The following HSPA13 variants were observed in gnomAD, a reference collection of about 807,000 sequenced individuals.
HSPA13 encodes heat shock protein family A (Hsp70) member 13.
A neutral mutation model predicts 38.8 loss-of-function variants in HSPA13; 29 were observed. The observed-to-expected ratio is 0.75, with a 90% CI of 0.56 to 1.02. The LOEUF (loss-of-function observed/expected upper bound fraction) is 1.02, where lower values mean the gene tolerates loss of function less well. HSPA13 is among the 50% of genes least tolerant of loss of function. HSPA13 has a pLI of 0.00. For synonymous variants in HSPA13, 192 were observed against 205.3 expected (o/e 0.94, Z 0.56); for missense variants, 451 against 560.9 (o/e 0.80, Z 1.98).
chr21:14,375,102 T>C (rs1009167919), intron 4 of HSPA13, among the ~76,000 whole-genome samples: 4 of 152,178 alleles, frequency 2.6e-5, no homozygotes, highest in Admixed American at 6.5e-5. Context: ...CATAATCCTA[T>C]CATTTCCTAG....
intron 2 of HSPA13, among the ~76,000 whole-genome samples, chr21:14,378,994 T>G (rs1308904590): frequency 1.3e-5 from 2 of 152,058 alleles, no homozygotes; most frequent in Non-Finnish European, 2.9e-5. Flanking sequence ...TCTCAATATA[T>G]TTTTGCTGAA....
chr21:14,375,703 C>T lies in HSPA13; in HGVS notation c.697G>A (p.Val233Met). The T allele has an allele frequency of 6.2e-7, 1 of 1,614,038 alleles. No homozygotes were observed. The highest frequency in any genetic ancestry group is 8.5e-7 in the Non-Finnish European group (1 of 1,179,946). Residue 233 changes from valine (V) to methionine (M), a missense_variant, in exon 4 of 5, where the codon GTG becomes ATG. Physicochemically the swap from Val to Met is conservative, Grantham distance 21. Coordinates refer to ENST00000285667, the MANE Select transcript of HSPA13 (RefSeq NM_006948.5). ...CCTCCTTGTTTATTCAGTAAAGACA[C>T]ATCTAGAGTTCCTCCGCCCAAGTCT... ...VIDLGGGTLD[V>M]SLLNKQGGMF...
intron 3 of HSPA13, among the ~76,000 whole-genome samples, chr21:14,377,801 GGACTCTAAGTTCT>G (rs1438217200): frequency 6.6e-6 from 1 of 152,186 alleles, no homozygotes; most frequent in African/African-American, 2.4e-5. Context: ...CTTGAACATC[GGACTCTAAGTTCT>G]TTAGCTTTTG....
rs753111246 is a variant in HSPA13, at chr21:14,373,944, T to A, written c.1089A>T (p.Thr363=). ...TATCAAAGAGTTTCCGTGATATTTC[T>A]GTTTCAAATAAAACCTGACTTTCTC... The part of the protein sequence containing the change: ...KSGESQVLFE[T]EISRKLFDTL... The change falls in exon 5 of 5, where the codon ACA becomes ACT. Residue 363 remains threonine, a synonymous_variant. Coordinates refer to ENST00000285667, the MANE Select transcript of HSPA13 (RefSeq NM_006948.5). The A allele has an allele frequency of 1.2e-6, 2 of 1,614,110 alleles. No individual in the cohort carries two copies. The highest frequency in any genetic ancestry group is 2.7e-5 in the African/African-American group (2 of 74,940).
intron 1 of HSPA13, among the ~76,000 whole-genome samples, 155 bp downstream of exon 1, chr21:14,382,940 T>C (rs1984209715): frequency 6.6e-6 from 1 of 151,482 alleles, no homozygotes; most frequent in Admixed American, 6.6e-5. Flanking sequence ...CCCCATCCAC[T>C]CCGAACAGCC....
In HSPA13 at chr21:14,381,406, C is replaced by T; in HGVS notation, c.163G>A (p.Val55Ile). The stretch of plus-strand genomic sequence containing the variant: ...CCATTTTCATCTGGAATCACCTTTA[C>T]TTTTCCTGTGCCAGGAAAAAACACC... Reference protein sequence around the residue: ...VGVFFPGTGKVKVIPDENGHI... With the variant: ...VGVFFPGTGKIKVIPDENGHI... The change falls in exon 2 of 5, where the codon GTA becomes ATA. Residue 55 changes from valine (V) to isoleucine (I), a missense_variant. Coordinates refer to ENST00000285667, the MANE Select transcript of HSPA13 (RefSeq NM_006948.5). 6.2e-7 allele frequency: 1 copy of T among 1,614,158 alleles called. No homozygotes were observed. Among genetic ancestry groups the T allele is most frequent in the Non-Finnish European group, 8.5e-7 (1 of 1,180,012 alleles).
rs1179756694 is a variant in HSPA13, at chr21:14,374,112, C to T, written c.921G>A (p.Leu307=). 6.2e-7 allele frequency: 1 copy of T among 1,614,116 alleles called. No individual in the cohort carries two copies. Among genetic ancestry groups the T allele is most frequent in the Non-Finnish European group, 8.5e-7 (1 of 1,180,014 alleles). Residue 307 remains leucine, a synonymous_variant, in exon 5 of 5, where the codon TTG becomes TTA. Transcript: ENST00000285667. Reference sequence around the variant, plus strand: ...GCTCCTCCACCGTTAGTAATACTGACAACTGAGCAGATTGATGAAGAGTCA... The same window carrying T: ...GCTCCTCCACCGTTAGTAATACTGATAACTGAGCAGATTGATGAAGAGTCA... ...LNLTLHQSAQ[L]SVLLTVEEQD...
At position 14,374,220 on chromosome 21, in the gene HSPA13, G is replaced by T; in HGVS notation, c.813C>A (p.Ile271=). ...AGGGCACGAAGCCATATGTTTGATAGATCTGTTTATATAAGTACTGAAGCA... is the reference window on the plus strand; with the variant it reads ...AGGGCACGAAGCCATATGTTTGATATATCTGTTTATATAAGTACTGAAGCA... ...QRLLQYLYKQ[I]YQTYGFVPSR... Residue 271 remains isoleucine (I), a synonymous_variant, in exon 5 of 5, where the codon ATC becomes ATA. Transcript: ENST00000285667. 1 of 1,612,778 alleles carries T rather than the reference G, an allele frequency of 6.2e-7. No homozygotes were observed. Among genetic ancestry groups the T allele is most frequent in the Non-Finnish European group, 8.5e-7 (1 of 1,179,950 alleles).
chr21:14,379,348 A>T (rs909460817), intron 2 of HSPA13, among the ~76,000 whole-genome samples: 4 of 152,188 alleles, frequency 2.6e-5, no homozygotes, highest in Non-Finnish European at 5.9e-5. Context: ...AAGAGAATTA[A>T]TCTAAGAAAT....
Position 14,371,970 on chromosome 21 carries a change from A to G in HSPA13, c.*1647T>C, listed in dbSNP as rs1982836994. On this transcript the variant is annotated 3_prime_UTR_variant, in exon 5 of 5. Coordinates refer to ENST00000285667, the MANE Select transcript of HSPA13 (RefSeq NM_006948.5). Reference sequence around the variant, plus strand: ...TCTAAAATAAGATACTTCAACAAACATTTTATACTTTTCTATCTACCTACT... The same window carrying G: ...TCTAAAATAAGATACTTCAACAAACGTTTTATACTTTTCTATCTACCTACT... The G allele has an allele frequency of 6.6e-6, 1 of 152,516 alleles. No homozygotes were observed. 9.4% of individuals were successfully genotyped at this position (152,516 alleles called of 1,614,324 possible).
rs556881799 is a variant in HSPA13 at position 14,373,297 on chromosome 21, G to C, written c.*320C>G. ...TAACTGGCACTACTTAATGTTTATA[G>C]AATATAATGTTAAGTGCATATGGTT... On this transcript the variant is annotated 3_prime_UTR_variant, in exon 5 of 5. Transcript: ENST00000285667. 4.6e-6 allele frequency: 1 copy of C among 215,754 alleles called. No individual in the cohort carries two copies. The allele number at this position is 215,754 out of a possible 1,614,324, so 13.4% of individuals were successfully genotyped here.
intron 2 of HSPA13, among the ~76,000 whole-genome samples, chr21:14,380,880 A>C (rs1382588861): frequency 6.6e-6 from 1 of 152,210 alleles, no homozygotes; most frequent in East Asian, 1.9e-4. Flanking sequence ...ATGTATATAA[A>C]TATGTACACA....
At position 14,374,229 on chromosome 21, in the gene HSPA13, A is replaced by G. The variant is rs1188087546; in HGVS notation, c.804T>C (p.Tyr268=). The change falls in exon 5 of 5, where the codon TAT becomes TAC. Residue 268 remains tyrosine, a synonymous_variant. Coordinates refer to ENST00000285667, the MANE Select transcript of HSPA13 (RefSeq NM_006948.5). ...DFNQRLLQYL[Y]KQIYQTYGFV... ...AGCCATATGTTTGATAGATCTGTTT[A>G]TATAAGTACTGAAGCAATCTCTGAT... 6.2e-7 allele frequency: 1 copy of G among 1,612,384 alleles called. No homozygotes were observed. Among genetic ancestry groups the G allele is most frequent in the Non-Finnish European group, 8.5e-7 (1 of 1,179,986 alleles).
At chr21:14,377,179 A>G (rs1984049188) in intron 3 of HSPA13, among the ~76,000 whole-genome samples, 1 of 152,224 alleles carries the variant, frequency 6.6e-6, no homozygotes, top group African/African-American at 2.4e-5. Context: ...GGCTGAAAAC[A>G]TTATTAAATT....
In HSPA13 at chr21:14,371,228, C is replaced by T. The variant is rs986758011; in HGVS notation, c.*2389G>A. 6.6e-6 allele frequency: 1 copy of T among 152,536 alleles called. No individual in the cohort carries two copies. The highest frequency in any genetic ancestry group is 6.6e-5 in the Admixed American group (1 of 15,266). The allele number at this position is 152,536 out of a possible 1,614,324, so 9.4% of individuals were successfully genotyped here. A position where few individuals can be genotyped will look rare whatever the true frequency, so the allele number is the denominator to read the frequency against. On this transcript the variant is annotated 3_prime_UTR_variant, in exon 5 of 5. Coordinates refer to ENST00000285667, the MANE Select transcript of HSPA13 (RefSeq NM_006948.5). ...TGCACAATAACTGTAATATTTAGTA[C>T]ATGTTATACACAGCAGTATCTGTTA... is the stretch of plus-strand genomic sequence containing the variant.
chr21:14,377,099 A>G (rs1600804832), intron 3 of HSPA13, among the ~76,000 whole-genome samples: 1 of 152,214 alleles, frequency 6.6e-6, no homozygotes, highest in Non-Finnish European at 1.5e-5. Flanking sequence ...ACGCTGTTAA[A>G]TATTTTGTAG....
chr21:14,381,427 A>G lies in HSPA13; in HGVS notation c.142T>C (p.Phe48Leu). The change falls in exon 2 of 5, where the codon TTT becomes CTT. Residue 48 changes from phenylalanine (F) to leucine (L), a missense_variant. Phe to Leu is a conservative substitution (Grantham distance 22, BLOSUM62 0). Coordinates refer to ENST00000285667, the MANE Select transcript of HSPA13 (RefSeq NM_006948.5). ...TTTACTTTTCCTGTGCCAGGAAAAAACACCCCAACAGAACAATAGGTGGTG... is the reference window on the plus strand; with the variant it reads ...TTTACTTTTCCTGTGCCAGGAAAAAGCACCCCAACAGAACAATAGGTGGTG... ...LGTTYCSVGV[F>L]FPGTGKVKVI... The G allele has an allele frequency of 2.5e-6, 4 of 1,614,118 alleles. No homozygotes were observed. The highest frequency in any genetic ancestry group is 2.5e-6 in the Non-Finnish European group (3 of 1,180,006).
At chr21:14,374,472 G>A (rs545322369) in intron 4 of HSPA13, among the ~76,000 whole-genome samples, 188 bp from the exon 5 acceptor site, 4 of 152,300 alleles carry the variant, frequency 2.6e-5, no homozygotes, top group African/African-American at 9.6e-5. Flanking sequence ...TCTCACACCT[G>A]TAATCCTAGA....
At chr21:14,377,983 G>T (rs948426129) in intron 3 of HSPA13, among the ~76,000 whole-genome samples, 5 of 152,214 alleles carry the variant, frequency 3.3e-5, no homozygotes, top group African/African-American at 1.2e-4. Flanking sequence ...ACTTCACCCT[G>T]TGATAGTGTG....
Sources: allele counts gnomAD v4.1 joint callset (sites outside exome capture counted in the v4.1 genomes callset), GRCh38; gene constraint gnomAD v4.1.1; transcripts MANE v1.5; gene names NCBI Gene and HGNC (gene_info 2026-07-23, HGNC 2026-07-21).